BAZ2B: variants seen among roughly 807,000 people sequenced by gnomAD.
BAZ2B encodes the protein bromodomain adjacent to zinc finger domain protein 2B.
In BAZ2B, 91 loss-of-function variants were observed where a neutral mutation model predicts 246.0. That is an observed-to-expected ratio of 0.37 (90% CI 0.31 to 0.44). The LOEUF is 0.44. BAZ2B is among the 20% of genes least tolerant of loss of function. The pLI, the probability that BAZ2B is intolerant of heterozygous loss-of-function variation, is 1.00. For synonymous variants in BAZ2B, 855 were observed against 860.0 expected (o/e 0.99, Z 0.10); for missense variants, 2,332 against 2,533.7 (o/e 0.92, Z 1.71).
At chr2:159,538,144 G>A (rs759023002) in intron 2 of BAZ2B, among the ~76,000 whole-genome samples, 2 of 151,962 alleles carry the variant, frequency 1.3e-5, no homozygotes, top group Admixed American at 6.6e-5. Context: ...CTACAGGTAC[G>A]CACCACCATG....
At chr2:159,523,319 T>C (rs1033845652) in intron 2 of BAZ2B, among the ~76,000 whole-genome samples, 2 of 152,122 alleles carry the variant, frequency 1.3e-5, no homozygotes, top group African/African-American at 4.8e-5. Flanking sequence ...GGAAGATCAC[T>C]TCAGCCCAGG....
At chr2:159,329,460 T>C (rs1251643052) in intron 34 of BAZ2B, among the ~76,000 whole-genome samples, 2 of 152,126 alleles carry the variant, frequency 1.3e-5, no homozygotes, top group African/African-American at 2.4e-5. Context: ...CTATGTTGTA[T>C]ATATATGCAC....
chr2:159,399,416 T>TTA (rs1274371404), intron 17 of BAZ2B, among the ~76,000 whole-genome samples: 1 of 152,088 alleles, frequency 6.6e-6, no homozygotes, highest in Admixed American at 6.5e-5. Context: ...TTATGTCTAT[T>TTA]AAGTGAAGCA....
chr2:159,648,832 C>A, the BAZ2B span, among the ~76,000 whole-genome samples: 2 of 151,912 alleles, frequency 1.3e-5, no homozygotes, highest in African/African-American at 4.8e-5. Context: ...GGGTATATAC[C>A]AAGGAGTGGA....
At chr2:159,699,680 TG>T in the BAZ2B span, among the ~76,000 whole-genome samples, 218 of 152,348 alleles carry the variant, frequency 1.4e-3, no homozygotes, top group Non-Finnish European at 2.5e-3. Flanking sequence ...CTCCTAATGT[TG>T]CTTCTTACTT....
At chr2:159,569,504 TA>T (rs1683429820) in intron 1 of BAZ2B, among the ~76,000 whole-genome samples, 1 of 152,162 alleles carries the variant, frequency 6.6e-6, no homozygotes, top group South Asian at 2.1e-4. Context: ...AGAAAAAGTA[TA>T]AAAAGATACA....
chr2:159,426,656 C>T (rs938280707), intron 13 of BAZ2B, among the ~76,000 whole-genome samples: 2 of 152,056 alleles, frequency 1.3e-5, no homozygotes, highest in Non-Finnish European at 2.9e-5. Context: ...CTGGACATAA[C>T]TTCTTTCTTT....
intron 2 of BAZ2B, among the ~76,000 whole-genome samples, chr2:159,524,360 T>A (rs1011431430): frequency 6.6e-6 from 1 of 151,906 alleles, no homozygotes; most frequent in African/African-American, 2.4e-5. Flanking sequence ...CAGGCTAAGG[T>A]GGGAGGATCG....
rs1325298644 is a variant in BAZ2B at position 159,528,700 on chromosome 2, A to G, written c.-3+27123T>C. On this transcript the variant is annotated intron_variant, in intron 2 of 36. Transcript: ENST00000392783. ...CTGTCTCAAAAAAAAAAAAAAAAGA[A>G]TAGTAGAGAAGTTATGAAACAGCAA... Among the ~76,000 whole-genome samples the G allele has an allele frequency of 1.9e-4, 28 of 151,260 alleles. No individual in the cohort carries two copies. The East Asian group carries it at 4.8e-3, about 26-fold the overall frequency.
At chr2:159,656,711 G>A in the BAZ2B span, among the ~76,000 whole-genome samples, 1 of 152,108 alleles carries the variant, frequency 6.6e-6, no homozygotes, top group Non-Finnish European at 1.5e-5. Context: ...TTGTCTGGAT[G>A]TAACACTCTC....
intron 21 of BAZ2B, among the ~76,000 whole-genome samples, chr2:159,387,606 T>C (rs1270785205): frequency 6.6e-6 from 1 of 152,150 alleles, no homozygotes; most frequent in African/African-American, 2.4e-5. Context: ...TTTTATATTC[T>C]TCTTGAAAGC....
chr2:159,526,209 T>G (rs2084713183), intron 2 of BAZ2B, among the ~76,000 whole-genome samples: 1 of 152,106 alleles, frequency 6.6e-6, no homozygotes, highest in Admixed American at 6.5e-5. Flanking sequence ...ATGCAGAAAG[T>G]AGGAATACAA....
intron 2 of BAZ2B, among the ~76,000 whole-genome samples, chr2:159,520,578 T>C (rs1485555316): frequency 6.6e-6 from 1 of 152,188 alleles, no homozygotes; most frequent in Admixed American, 6.5e-5. Flanking sequence ...TATAATGCAT[T>C]AATAAACTGC....
At chr2:159,320,552 T>A (rs530612704) in intron 36 of BAZ2B, 134 bp from the exon 37 acceptor site, 1 of 673,888 alleles carries the variant, frequency 1.5e-6, no homozygotes, top group African/African-American at 1.9e-5. Flanking sequence ...ATAAAATACA[T>A]GATATCCTCT....
intron 1 of BAZ2B, among the ~76,000 whole-genome samples, chr2:159,608,430 T>G (rs1173747332): frequency 4.6e-5 from 7 of 152,186 alleles, no homozygotes; most frequent in Non-Finnish European, 1.0e-4. Context: ...CCTTCTTCTT[T>G]TCTAAATATA....
chr2:159,704,482 C>CTTT, the BAZ2B span, among the ~76,000 whole-genome samples: 40 of 117,018 alleles, frequency 3.4e-4, no homozygotes, highest in African/African-American at 5.1e-4. Context: ...CTTTCTTTTT[C>CTTT]TTTTTTTTTT....
At chr2:159,428,515 C>A in intron 11 of BAZ2B, 96 bp from the exon 12 acceptor site, 1 of 840,936 alleles carries the variant, frequency 1.2e-6, no homozygotes. Context: ...CTCTAGAAAA[C>A]ATAAAAAATG....
chr2:159,517,305 T>C (rs72950408), intron 2 of BAZ2B, among the ~76,000 whole-genome samples: 27,987 of 151,200 alleles, frequency 0.19, 3,496 homozygotes, highest in Non-Finnish European at 0.28. Context: ...TGTCCATAGT[T>C]TTTTTTTTCC....
chr2:159,410,338 C>G (rs1471514233), intron 14 of BAZ2B, among the ~76,000 whole-genome samples: 1 of 152,066 alleles, frequency 6.6e-6, no homozygotes, highest in African/African-American at 2.4e-5. Flanking sequence ...GTGTTCGTAC[C>G]CAAATCTCAT....
Sources: gnomAD v4.1 joint callset for allele counts (sites outside exome capture counted in the v4.1 genomes callset) on GRCh38, gnomAD v4.1.1 for gene constraint, MANE v1.5 for transcripts, NCBI Gene and HGNC (gene_info 2026-07-23, HGNC 2026-07-21) for gene names.